CREBBP: variants seen among roughly 807,000 people sequenced by gnomAD.
The protein encoded by CREBBP is CREB-binding protein.
CREBBP carries 19 observed loss-of-function variants against 265.0 expected under a neutral mutation model. That is an observed-to-expected ratio of 0.07 (90% CI 0.05 to 0.11). CREBBP has a LOEUF of 0.11. Among genes scored for constraint, CREBBP ranks in the 10% least tolerant of loss-of-function variants. The pLI is 1.00. For missense variants in CREBBP, 2,525 were observed against 3,219.0 expected (o/e 0.78, Z 5.22); for synonymous variants, 1,457 against 1,223.7 (o/e 1.19, Z -3.98).
At chr16:3,824,200 G>C (rs1258277403) in intron 2 of CREBBP, among the ~76,000 whole-genome samples, 1 of 152,264 alleles carries the variant, frequency 6.6e-6, no homozygotes, top group East Asian at 1.9e-4. Context: ...AGGCAAACAA[G>C]GGGGTCAAGA....
rs200933101 is a variant in CREBBP, at chr16:3,793,445, C to T, written c.1157G>A (p.Arg386Gln). ...GTGATTCAAAACGTTTTTCATGGTT[C>T]GACAATGCGGGAGCGAGCAGGCCCG... is the stretch of plus-strand genomic sequence containing the variant. ...EVRACSLPHCRTMKNVLNHMT... is the reference protein window; with the variant it reads ...EVRACSLPHCQTMKNVLNHMT... Residue 386 changes from arginine (R) to glutamine (Q), a missense_variant, in exon 4 of 31, where the codon CGA becomes CAA. This residue lies in a region of CREBBP where 126 missense variants were observed against 171.9 expected (regional missense o/e 0.73). Transcript: ENST00000262367. 5 of 1,614,088 alleles carry T rather than the reference C, an allele frequency of 3.1e-6. No homozygotes were observed. Among genetic ancestry groups the T allele is most frequent in the Admixed American group, 1.7e-5 (1 of 60,020 alleles).
rs1291186034 is a variant in CREBBP, at chr16:3,880,636, G to A, written c.-720C>T. The A allele has an allele frequency of 1.4e-5, 2 of 147,340 alleles. No homozygotes were observed. Among genetic ancestry groups the A allele is most frequent in the Non-Finnish European group, 3.0e-5 (2 of 66,104 alleles). The allele number at this position is 147,340 out of a possible 1,614,324, so 9.1% of individuals were successfully genotyped here. A position where few individuals can be genotyped will look rare whatever the true frequency, so the allele number is the denominator to read the frequency against. On this transcript the variant is annotated 5_prime_UTR_variant, in exon 1 of 31. Coordinates refer to ENST00000262367, the MANE Select transcript of CREBBP (RefSeq NM_004380.3). ...GTGCGCGGGCGGTTGTGGGGCCCGG[G>A]ACCGGCGGGGCCGAGTAGATCGCGC...
intron 16 of CREBBP, among the ~76,000 whole-genome samples, chr16:3,760,389 A>AT (rs2052686046): frequency 9.2e-6 from 1 of 108,814 alleles, no homozygotes; most frequent in Non-Finnish European, 1.9e-5. Flanking sequence ...TATCATGCCC[A>AT]GGTTTTTTTT....
chr16:3,799,835 T>C (rs907780679), intron 3 of CREBBP, among the ~76,000 whole-genome samples: 2 of 152,196 alleles, frequency 1.3e-5, no homozygotes, highest in South Asian at 4.1e-4. Context: ...CCAATGACTG[T>C]TATTTAAGGC....
intron 3 of CREBBP, among the ~76,000 whole-genome samples, chr16:3,799,468 G>A (rs1366212685): frequency 1.3e-5 from 2 of 152,180 alleles, no homozygotes; most frequent in Admixed American, 6.5e-5. Context: ...CAATTCTCAA[G>A]TACTCTGGCA....
At chr16:3,794,983 CTA>C (rs2053579551) in intron 3 of CREBBP, among the ~76,000 whole-genome samples, 1 of 152,134 alleles carries the variant, frequency 6.6e-6, no homozygotes, top group Admixed American at 6.5e-5. Flanking sequence ...GGAGAGAAAA[CTA>C]TACAAATAAT....
At chr16:3,769,652 T>A (rs1174599259) in intron 14 of CREBBP, among the ~76,000 whole-genome samples, 2 of 152,196 alleles carry the variant, frequency 1.3e-5, no homozygotes, top group African/African-American at 4.8e-5. Context: ...AAATCTCATA[T>A]TTTGAAATTA....
At chr16:3,829,142 T>C (rs554994879) in intron 2 of CREBBP, among the ~76,000 whole-genome samples, 3 of 152,318 alleles carry the variant, frequency 2.0e-5, no homozygotes, top group African/African-American at 7.2e-5. Flanking sequence ...TTACTGTCTA[T>C]GGTAATTTGT....
rs528488592 is a variant in CREBBP at position 3,821,959 on chromosome 16, C to A, written c.799-11180G>T. On this transcript the variant is annotated intron_variant, in intron 2 of 30. Coordinates refer to ENST00000262367, the MANE Select transcript of CREBBP (RefSeq NM_004380.3). ...AGAATCGCTTAAGGAGAGGCTTAGG[C>A]AGGAGAATCACTTGAACCCTGGGAG... is the stretch of plus-strand genomic sequence containing the variant. Among the ~76,000 whole-genome samples the A allele has an allele frequency of 8.5e-5, 13 of 152,226 alleles. 1 individual carries two copies. In the East Asian group the frequency reaches 1.4e-3, roughly 16 times the overall value.
chr16:3,764,157 G>C (rs1445636193), intron 16 of CREBBP, among the ~76,000 whole-genome samples: 1 of 152,020 alleles, frequency 6.6e-6, no homozygotes, highest in African/African-American at 2.4e-5. Context: ...TTTTTGGGTA[G>C]AGATGGGTTC....
chr16:3,788,643 A>G (rs2053441036), intron 5 of CREBBP, among the ~76,000 whole-genome samples: 1 of 152,238 alleles, frequency 6.6e-6, no homozygotes, highest in Non-Finnish European at 1.5e-5. Flanking sequence ...AATCTTTAAA[A>G]AACAATTCAA....
rs2054751055 is a variant in CREBBP at position 3,849,429 on chromosome 16, GTGTGTGT to G, written c.798+861_798+867del. On this transcript the variant is annotated intron_variant, in intron 2 of 30. Transcript: ENST00000262367. ...TGTGTGTGTGTGTGTGTGTGTGTGT[GTGTGTGT>G]GTGTGTGTGTGTGTGTGTGTGTGTG... Among the ~76,000 whole-genome samples the G allele has an allele frequency of 3.4e-3, 44 of 12,824 alleles. 2 individuals are homozygous for G. The highest frequency in any genetic ancestry group is 7.3e-3 in the Admixed American group (7 of 954). 8.4% of individuals were successfully genotyped at this position (12,824 alleles called of 152,430 possible).
Position 3,727,659 on chromosome 16 carries a change from G to A in CREBBP, c.*59C>T. On this transcript the variant is annotated 3_prime_UTR_variant, in exon 31 of 31. Transcript: ENST00000262367. ...AGGAATAAAAAGAACCTAGATGCCTGGATTTTCAGTACAAAAGGTCCAAGA... is the reference window on the plus strand; with the variant it reads ...AGGAATAAAAAGAACCTAGATGCCTAGATTTTCAGTACAAAAGGTCCAAGA... 6.2e-7 allele frequency: 1 copy of A among 1,613,500 alleles called. No homozygotes were observed. Among genetic ancestry groups the A allele is most frequent in the Non-Finnish European group, 8.5e-7 (1 of 1,179,986 alleles).
At chr16:3,835,539 A>AAAAAAG (rs1434295549) in intron 2 of CREBBP, among the ~76,000 whole-genome samples, 4 of 152,140 alleles carry the variant, frequency 2.6e-5, no homozygotes, top group African/African-American at 7.2e-5. Flanking sequence ...TATGCCCACA[A>AAAAAAG]AAAAAGCTGT....
At chr16:3,777,816 A>C in intron 10 of CREBBP, 159 bp from the exon 11 acceptor site, 1 of 1,075,844 alleles carries the variant, frequency 9.3e-7, no homozygotes, top group Admixed American at 1.9e-5. Context: ...CGCACCCTGT[A>C]AAGGGCCTTC....
At chr16:3,807,352 T>C (rs1051884522) in intron 3 of CREBBP, among the ~76,000 whole-genome samples, 1 of 152,216 alleles carries the variant, frequency 6.6e-6, no homozygotes, top group African/African-American at 2.4e-5. Flanking sequence ...TGGGATTGTT[T>C]GGGACACCAA....
chr16:3,818,293 G>GTTTTC (rs1285154383), intron 2 of CREBBP, among the ~76,000 whole-genome samples: 5 of 145,974 alleles, frequency 3.4e-5, no homozygotes, highest in African/African-American at 5.0e-5. Flanking sequence ...TGATGTTTAG[G>GTTTTC]TTTTCTTTTC....
intron 1 of CREBBP, among the ~76,000 whole-genome samples, chr16:3,873,570 C>G (rs758142882): frequency 4.1e-4 from 62 of 152,218 alleles, no homozygotes; most frequent in Admixed American, 5.9e-4. Flanking sequence ...GACAACGTCC[C>G]TGGTTAACGC....
intron 4 of CREBBP, among the ~76,000 whole-genome samples, chr16:3,792,991 A>C (rs527567939): frequency 1.3e-5 from 2 of 152,368 alleles, no homozygotes; most frequent in East Asian, 3.9e-4. Flanking sequence ...GTTGGGATGC[A>C]GGAAGGGCGT....
Sources: allele counts gnomAD v4.1 joint callset (sites outside exome capture counted in the v4.1 genomes callset), GRCh38; gene constraint gnomAD v4.1.1; regional missense constraint gnomAD v4.1.1; transcripts MANE v1.5; gene names NCBI Gene and HGNC (gene_info 2026-07-23, HGNC 2026-07-21).